The following CCSER1 variants were observed in gnomAD, a reference collection of about 807,000 sequenced individuals.
CCSER1 encodes the protein coiled-coil serine rich protein 1, also known as serine-rich coiled-coil domain-containing protein 1.
Under a neutral mutation model 82.0 loss-of-function variants are expected in CCSER1, and 41 were observed. That is an observed-to-expected ratio of 0.50 (90% CI 0.39 to 0.65). The LOEUF is 0.65. Among genes scored for constraint, CCSER1 ranks in the 30% least tolerant of loss-of-function variants. The probability of loss-of-function intolerance (pLI) is 0.00; values close to 1 mark genes in which losing one functional copy is unlikely to be tolerated. For synonymous variants in CCSER1, 414 were observed against 383.9 expected (o/e 1.08, Z -0.92); for missense variants, 1,119 against 1,064.2 (o/e 1.05, Z -0.72).
At chr4:91,346,110 A>G (rs72879093) in intron 10 of CCSER1, among the ~76,000 whole-genome samples, 12,652 of 150,506 alleles carry the variant, frequency 0.084, 1,803 homozygotes, top group African/African-American at 0.29. Context: ...TGCAACCTCC[A>G]CGTCCCGGGT....
chr4:91,143,653 C>T (rs1040310583), intron 10 of CCSER1, among the ~76,000 whole-genome samples: 4 of 151,826 alleles, frequency 2.6e-5, no homozygotes, highest in Non-Finnish European at 5.9e-5. Flanking sequence ...TACTTCAATG[C>T]CTAGTTTCTT....
At chr4:90,522,987 A>G (rs1008343322) in intron 5 of CCSER1, among the ~76,000 whole-genome samples, 1 of 152,010 alleles carries the variant, frequency 6.6e-6, no homozygotes, top group Non-Finnish European at 1.5e-5. Context: ...TTTAAATCCC[A>G]TAATCATTTA....
At chr4:90,312,192 T>G (rs1387928499) in intron 2 of CCSER1, among the ~76,000 whole-genome samples, 2 of 152,114 alleles carry the variant, frequency 1.3e-5, no homozygotes, top group South Asian at 4.1e-4. Flanking sequence ...TGTGTAGGGC[T>G]GGAGCATGCC....
At chr4:91,375,669 T>TA (rs1202220813) in intron 10 of CCSER1, among the ~76,000 whole-genome samples, 1 of 152,142 alleles carries the variant, frequency 6.6e-6, no homozygotes, top group African/African-American at 2.4e-5. Flanking sequence ...ACAACTTTAG[T>TA]AAAAGAATCC....
At chr4:90,713,927 T>G (rs2149336960) in intron 6 of CCSER1, among the ~76,000 whole-genome samples, 1 of 152,170 alleles carries the variant, frequency 6.6e-6, no homozygotes, top group East Asian at 1.9e-4. Context: ...CTATGCTTGA[T>G]CTATTCTGCT....
chr4:90,244,629 G>T (rs945600881), intron 1 of CCSER1, among the ~76,000 whole-genome samples: 6 of 152,098 alleles, frequency 3.9e-5, no homozygotes, highest in African/African-American at 1.4e-4. Flanking sequence ...GTGGTGGCAG[G>T]AGAGAGAAGT....
At chr4:90,794,750 G>T (rs1039109350) in intron 7 of CCSER1, among the ~76,000 whole-genome samples, 1 of 152,082 alleles carries the variant, frequency 6.6e-6, no homozygotes, top group Non-Finnish European at 1.5e-5. Flanking sequence ...TCAGTAAATT[G>T]CTTTGGGCAC....
At chr4:91,397,052 G>C (rs1315513423) in intron 10 of CCSER1, among the ~76,000 whole-genome samples, 1 of 152,032 alleles carries the variant, frequency 6.6e-6, no homozygotes, top group Non-Finnish European at 1.5e-5. Context: ...ATCTGGCTCT[G>C]TATTGTTTAT....
At chr4:90,523,550 T>TA (rs1231153976) in intron 5 of CCSER1, among the ~76,000 whole-genome samples, 2 of 152,176 alleles carry the variant, frequency 1.3e-5, no homozygotes, top group Admixed American at 1.3e-4. Flanking sequence ...GATATTAATA[T>TA]AATCACAAAT....
chr4:90,609,812 G>A (rs1004007197), intron 5 of CCSER1, among the ~76,000 whole-genome samples: 30 of 152,294 alleles, frequency 2.0e-4, no homozygotes, highest in African/African-American at 6.5e-4. Context: ...TTAGTAATCA[G>A]TGGCATATTA....
rs142069240 is a variant in CCSER1, at chr4:90,595,046, G to A, written c.1725-32979G>A. Among the ~76,000 whole-genome samples the A allele has an allele frequency of 5.6e-3, 844 of 152,066 alleles. 7 individuals are homozygous for A. The highest frequency in any genetic ancestry group is 0.019 in the African/African-American group (789 of 41,532). On this transcript the variant is annotated intron_variant, in intron 5 of 10. Coordinates refer to ENST00000509176, the MANE Select transcript of CCSER1 (RefSeq NM_001145065.2). ...TTTGATTTCATCGATCTATTAACAA[G>A]TGTTTTGAGTTACTTATCAGAGAAT...
chr4:90,577,087 T>C (rs1780853626), intron 5 of CCSER1, among the ~76,000 whole-genome samples: 1 of 152,134 alleles, frequency 6.6e-6, no homozygotes, highest in South Asian at 2.1e-4. Flanking sequence ...TACCTAGTGG[T>C]ATCTCATTTT....
intron 5 of CCSER1, among the ~76,000 whole-genome samples, chr4:90,471,015 T>A (rs529986872): frequency 6.6e-6 from 1 of 152,074 alleles, no homozygotes; most frequent in Admixed American, 6.6e-5. Context: ...AGATGAGGTG[T>A]CAAAATAATG....
intron 10 of CCSER1, among the ~76,000 whole-genome samples, chr4:91,154,674 A>G (rs2148961987): frequency 6.6e-6 from 1 of 152,170 alleles, no homozygotes; most frequent in African/African-American, 2.4e-5. Flanking sequence ...CCTTTTTCCC[A>G]GACATTCTTT....
chr4:90,808,989 TAAGTGCCCATCA>T (rs1443689690), intron 7 of CCSER1, among the ~76,000 whole-genome samples: 1 of 152,150 alleles, frequency 6.6e-6, no homozygotes, highest in Non-Finnish European at 1.5e-5. Flanking sequence ...GGAATCAATT[TAAGTGCCCATCA>T]ACTGATAAAT....
chr4:90,722,150 G>A (rs1742787803), intron 6 of CCSER1, among the ~76,000 whole-genome samples: 1 of 151,638 alleles, frequency 6.6e-6, no homozygotes, highest in Non-Finnish European at 1.5e-5. Context: ...AACCTTCATT[G>A]GAAAGACTGT....
At chr4:90,242,411 A>T (rs1273877458) in intron 1 of CCSER1, among the ~76,000 whole-genome samples, 1 of 152,238 alleles carries the variant, frequency 6.6e-6, no homozygotes, top group Admixed American at 6.5e-5. Context: ...TAGCTTTTAA[A>T]CTGTTGATAT....
At chr4:91,136,640 T>A (rs1458462030) in intron 10 of CCSER1, among the ~76,000 whole-genome samples, 3 of 152,224 alleles carry the variant, frequency 2.0e-5, no homozygotes, top group Non-Finnish European at 4.4e-5. Flanking sequence ...TGTGAGATAG[T>A]ATAAGATGTA....
intron 10 of CCSER1, among the ~76,000 whole-genome samples, chr4:91,101,611 G>A (rs909344304): frequency 6.9e-6 from 1 of 145,184 alleles, no homozygotes; most frequent in Non-Finnish European, 1.5e-5. Context: ...CTCCAGCCTG[G>A]GGACAGAGCA....
Sources: gnomAD v4.1 joint callset for allele counts (sites outside exome capture counted in the v4.1 genomes callset) on GRCh38, gnomAD v4.1.1 for gene constraint, MANE v1.5 for transcripts, NCBI Gene and HGNC (gene_info 2026-07-23, HGNC 2026-07-21) for gene names.